Variants in FYN observed in about 807,000 individuals in gnomAD.
The protein encoded by FYN is FYN proto-oncogene, Src family tyrosine kinase, also known as tyrosine-protein kinase Fyn.
Under a neutral mutation model 70.2 loss-of-function variants are expected in FYN, and 10 were observed. That is an observed-to-expected ratio of 0.14 (90% CI 0.09 to 0.24). The LOEUF (loss-of-function observed/expected upper bound fraction) is 0.24, where lower values mean the gene tolerates loss of function less well. Ranked by LOEUF, FYN falls within the 10% of genes least tolerant of loss-of-function variation. The pLI is 1.00. For synonymous variants in FYN, 236 were observed against 248.6 expected, an observed-to-expected ratio of 0.95 and a Z score of 0.48; for missense variants, 319 against 673.1, an observed-to-expected ratio of 0.47 and a Z score of 5.82.
intron 13 of FYN, among the ~76,000 whole-genome samples, chr6:111,668,523 G>A (rs1798111789): frequency 6.6e-6 from 1 of 150,434 alleles, no homozygotes; most frequent in Non-Finnish European, 1.5e-5. Context: ...AAAAAGGAGT[G>A]AAAAAGAGAG....
chr6:111,791,513 C>T (rs1771621826), intron 2 of FYN, among the ~76,000 whole-genome samples: 1 of 152,096 alleles, frequency 6.6e-6, no homozygotes, highest in Non-Finnish European at 1.5e-5. Flanking sequence ...GACTCTGAAT[C>T]CAGTGACTGT....
chr6:111,794,985 C>T (rs1771756354), intron 2 of FYN, among the ~76,000 whole-genome samples: 1 of 152,196 alleles, frequency 6.6e-6, no homozygotes, highest in South Asian at 2.1e-4. Context: ...TAAGCCAACA[C>T]AACCCGCTAA....
chr6:111,717,011 C>T (rs144631235), intron 4 of FYN, among the ~76,000 whole-genome samples: 2,165 of 152,130 alleles, frequency 0.014, 52 homozygotes, highest in African/African-American at 0.05. Flanking sequence ...GTCTTGAACT[C>T]CTGACATCGT....
At chr6:111,828,913 A>G (rs1772923280) in intron 2 of FYN, among the ~76,000 whole-genome samples, 1 of 152,226 alleles carries the variant, frequency 6.6e-6, no homozygotes, top group East Asian at 1.9e-4. Flanking sequence ...TTTTACCACA[A>G]TTAAAAAAAC....
At chr6:111,828,781 G>A (rs569773655) in intron 2 of FYN, among the ~76,000 whole-genome samples, 10 of 152,294 alleles carry the variant, frequency 6.6e-5, no homozygotes, top group East Asian at 1.9e-4. Context: ...TTGTTTAAGA[G>A]GTATGGATTT....
chr6:111,845,390 C>G (rs1773497117), intron 2 of FYN, among the ~76,000 whole-genome samples: 1 of 152,204 alleles, frequency 6.6e-6, no homozygotes, highest in Non-Finnish European at 1.5e-5. Context: ...TCTGCCTTGT[C>G]CTAACTAGAG....
At chr6:111,741,444 G>C (rs1190414293) in intron 3 of FYN, among the ~76,000 whole-genome samples, 1 of 152,186 alleles carries the variant, frequency 6.6e-6, no homozygotes, top group Non-Finnish European at 1.5e-5. Flanking sequence ...GACAATAAGA[G>C]CACAGCATAA....
At chr6:111,699,657 A>C (rs771387455) in intron 9 of FYN, 1 of 1,613,364 alleles carries the variant, frequency 6.2e-7, no homozygotes, top group Non-Finnish European at 8.5e-7. Flanking sequence ...TAAAACACAA[A>C]CCATCAGCTT....
chr6:111,735,408 A>G (rs1801665710), intron 3 of FYN, among the ~76,000 whole-genome samples: 1 of 152,170 alleles, frequency 6.6e-6, no homozygotes, highest in Non-Finnish European at 1.5e-5. Context: ...GCAATATGCA[A>G]ATGACCTTTG....
chr6:111,847,193 G>C (rs1305069882), intron 1 of FYN, among the ~76,000 whole-genome samples: 1 of 152,194 alleles, frequency 6.6e-6, no homozygotes, highest in Non-Finnish European at 1.5e-5. Flanking sequence ...CCAGCAGCCT[G>C]CATCATCTTG....
At chr6:111,699,290 G>A (rs1349001377) in intron 9 of FYN, among the ~76,000 whole-genome samples, 2 of 152,148 alleles carry the variant, frequency 1.3e-5, no homozygotes, top group Non-Finnish European at 1.5e-5. Flanking sequence ...CAGATTCATA[G>A]TGTACTGGTT....
chr6:111,685,333 C>T (rs756468994), intron 12 of FYN, among the ~76,000 whole-genome samples: 1 of 152,226 alleles, frequency 6.6e-6, no homozygotes, highest in Non-Finnish European at 1.5e-5. Context: ...TGTGTGGGAA[C>T]AGTTGGAGGT....
intron 3 of FYN, among the ~76,000 whole-genome samples, chr6:111,763,982 G>A (rs557485924): frequency 5.9e-5 from 9 of 151,974 alleles, no homozygotes; most frequent in Admixed American, 2.0e-4. Context: ...AATTTTCAGC[G>A]CTCAGGCTAT....
At chr6:111,862,424 A>G (rs939342540) in intron 1 of FYN, among the ~76,000 whole-genome samples, 1 of 152,190 alleles carries the variant, frequency 6.6e-6, no homozygotes, top group African/African-American at 2.4e-5. Flanking sequence ...TAGGGAGTAA[A>G]TCTTGTGCCA....
chr6:111,707,261 G>A (rs1207810808), intron 6 of FYN, among the ~76,000 whole-genome samples: 1 of 152,174 alleles, frequency 6.6e-6, no homozygotes, highest in African/African-American at 2.4e-5. Context: ...TAATCCTCAT[G>A]GGTCAGAAGA....
chr6:111,719,782 A>G lies in FYN; in HGVS notation c.247+23T>C, dbSNP rs765014362. Reference sequence around the variant, plus strand: ...TTAAGGGTGGCTGCCCCCTCTCTGCACTCTGTGACTTTGGGGGCTTACCTG... The same window carrying G: ...TTAAGGGTGGCTGCCCCCTCTCTGCGCTCTGTGACTTTGGGGGCTTACCTG... On this transcript the variant is annotated intron_variant, in intron 4 of 13. Coordinates refer to ENST00000354650, the MANE Select transcript of FYN (RefSeq NM_002037.5). The G allele has an allele frequency of 2.8e-5, 45 of 1,610,620 alleles. No individual in the cohort carries two copies. The South Asian group carries it at 4.5e-4, about 16-fold the overall frequency.
intron 10 of FYN, among the ~76,000 whole-genome samples, chr6:111,695,721 T>C (rs1054425050): frequency 1.8e-4 from 28 of 152,210 alleles, no homozygotes; most frequent in Admixed American, 1.8e-3. Flanking sequence ...ATCTCTGGCC[T>C]TATCCCTAAC....
intron 3 of FYN, among the ~76,000 whole-genome samples, chr6:111,725,817 G>A (rs1234006343): frequency 1.3e-5 from 2 of 152,196 alleles, no homozygotes; most frequent in African/African-American, 4.8e-5. Flanking sequence ...CCCGGTGTAT[G>A]TGCCCTGCAA....
At chr6:111,768,752 T>C (rs1167224489) in intron 3 of FYN, among the ~76,000 whole-genome samples, 1 of 152,196 alleles carries the variant, frequency 6.6e-6, no homozygotes, top group Non-Finnish European at 1.5e-5. Context: ...ACTATTAATA[T>C]TGAGGATGAA....
Sources: gnomAD v4.1 joint callset for allele counts (sites outside exome capture counted in the v4.1 genomes callset) on GRCh38, gnomAD v4.1.1 for gene constraint, MANE v1.5 for transcripts, NCBI Gene and HGNC (gene_info 2026-07-23, HGNC 2026-07-21) for gene names.